The following CDH23 variants were observed in gnomAD, a reference collection of about 807,000 sequenced individuals.
The protein encoded by CDH23 is cadherin-23.
CDH23 carries 189 observed loss-of-function variants against 317.1 expected under a neutral mutation model. The ratio of observed to expected loss-of-function variants is 0.60; its 90% CI spans 0.53 to 0.67. The LOEUF (loss-of-function observed/expected upper bound fraction) is 0.67, where lower values mean the gene tolerates loss of function less well. Among genes scored for constraint, CDH23 ranks in the 30% least tolerant of loss-of-function variants. The pLI is 0.00. For missense variants in CDH23, 4,401 were observed against 4,592.4 expected (o/e 0.96, Z 1.20); for synonymous variants, 1,839 against 1,876.8 (o/e 0.98, Z 0.52).
At chr10:71,777,336 C>A (rs767169658) in intron 38 of CDH23, among the ~76,000 whole-genome samples, 22 of 152,152 alleles carry the variant, frequency 1.4e-4, no homozygotes, top group Non-Finnish European at 2.9e-4. Context: ...CAGGGTTCAT[C>A]CCATATGCCA....
At chr10:71,545,937 G>T (rs574401247) in intron 6 of CDH23, among the ~76,000 whole-genome samples, 1 of 152,126 alleles carries the variant, frequency 6.6e-6, no homozygotes, top group Non-Finnish European at 1.5e-5. Flanking sequence ...GAGGACATCT[G>T]GGGTGGTATA....
intron 19 of CDH23, among the ~76,000 whole-genome samples, chr10:71,689,178 A>AGCCAACGGTGGTG (rs1564734231): frequency 1.3e-4 from 4 of 30,548 alleles, no homozygotes; most frequent in African/African-American, 4.0e-4. Context: ...CAGGGGTGGT[A>AGCCAACGGTGGTG]GAGTCAGGGG....
At chr10:71,801,597 G>A (rs1206841632) in intron 53 of CDH23, among the ~76,000 whole-genome samples, 5 of 152,104 alleles carry the variant, frequency 3.3e-5, no homozygotes, top group African/African-American at 1.2e-4. Context: ...CAGGCCTCAA[G>A]GTTTTGCTTC....
intron 1 of CDH23, among the ~76,000 whole-genome samples, chr10:71,424,718 G>A (rs993982623): frequency 1.3e-5 from 2 of 152,186 alleles, no homozygotes; most frequent in Non-Finnish European, 2.9e-5. Context: ...CCTACTGTCC[G>A]CCAGGCTCTG....
At chr10:71,741,626 G>C in intron 37 of CDH23, 68 bp from the exon 38 acceptor site, 1 of 1,394,662 alleles carries the variant, frequency 7.2e-7, no homozygotes, top group South Asian at 1.3e-5. Flanking sequence ...TCGGGCTACA[G>C]GAGCAGGTGC....
At chr10:71,623,022 T>C (rs1861541985) in intron 11 of CDH23, 10 of 894,372 alleles carry the variant, frequency 1.1e-5, no homozygotes, top group Non-Finnish European at 1.3e-5. Flanking sequence ...ACAAGTGTTA[T>C]GTGCACCAAC....
rs537275967 is a variant in CDH23 at position 71,593,906 on chromosome 10, G to A, written c.832+15914G>A. Among the ~76,000 whole-genome samples, 11 of 152,260 alleles carry A rather than the reference G, an allele frequency of 7.2e-5. No individual in the cohort carries two copies. In the South Asian group the frequency reaches 2.1e-3, roughly 29 times the overall value. On this transcript the variant is annotated intron_variant, in intron 9 of 69. Transcript: ENST00000224721. ...TAAGGCCAAAGAGGTGGATCACTGA[G>A]GCCAGGAGTTTAGACCAGCCTGGGC...
chr10:71,497,498 A>T (rs7069347), intron 3 of CDH23, among the ~76,000 whole-genome samples: 2,591 of 102,168 alleles, frequency 0.025, 60 homozygotes, highest in African/African-American at 0.071. Context: ...CTGCTATTTC[A>T]GGGCAGAAAA....
In CDH23 at chr10:71,521,753, TCTTCA is replaced by T; in HGVS notation, c.429+10545_429+10549del. 2.0e-5 allele frequency among the ~76,000 whole-genome samples: 3 copies of T among 152,322 alleles called. No individual in the cohort carries two copies. In the South Asian group the frequency reaches 6.2e-4, roughly 32 times the overall value. ...GCAGCTGCTGAGGGCCGGCCCCGGC[TCTTCA>T]CTTAGTCCTCTCTCCTCTGGATTTG... On this transcript the variant is annotated intron_variant, in intron 6 of 69. Transcript: ENST00000224721.
At chr10:71,593,227 G>A (rs998894938) in intron 9 of CDH23, among the ~76,000 whole-genome samples, 4 of 152,164 alleles carry the variant, frequency 2.6e-5, no homozygotes, top group Admixed American at 2.0e-4. Flanking sequence ...AATCACCGAG[G>A]AAAGGATGAC....
chr10:71,406,445 C>T (rs1848102618), intron 1 of CDH23, among the ~76,000 whole-genome samples: 1 of 152,194 alleles, frequency 6.6e-6, no homozygotes, highest in Non-Finnish European at 1.5e-5. Flanking sequence ...TGCACTTCTC[C>T]TGTGATATAC....
At chr10:71,782,421 G>A (rs1409107475) in intron 41 of CDH23, among the ~76,000 whole-genome samples, 3 of 152,244 alleles carry the variant, frequency 2.0e-5, no homozygotes, top group Non-Finnish European at 2.9e-5. Flanking sequence ...TTTTTCAGAT[G>A]AGAACATCAA....
intron 3 of CDH23, among the ~76,000 whole-genome samples, chr10:71,476,540 G>C (rs898457275): frequency 6.6e-6 from 1 of 152,196 alleles, no homozygotes; most frequent in African/African-American, 2.4e-5. Flanking sequence ...GACACTTCAA[G>C]TACAAATGGA....
intron 6 of CDH23, among the ~76,000 whole-genome samples, chr10:71,547,469 G>T (rs1175243584): frequency 5.9e-5 from 9 of 152,254 alleles, no homozygotes; most frequent in Non-Finnish European, 1.3e-4. Context: ...GTGTGGAAGG[G>T]CTTCTGTGGT....
intron 38 of CDH23, among the ~76,000 whole-genome samples, chr10:71,775,613 G>A (rs1317250622): frequency 6.6e-6 from 1 of 152,132 alleles, no homozygotes; most frequent in Non-Finnish European, 1.5e-5. Flanking sequence ...GGCCTTTGGA[G>A]CACTGACTTT....
At chr10:71,693,921 A>G (rs1865276775) in intron 20 of CDH23, among the ~76,000 whole-genome samples, 1 of 152,012 alleles carries the variant, frequency 6.6e-6, no homozygotes, top group South Asian at 2.1e-4. Context: ...TCATGGGGTT[A>G]TGTTGCCCAG....
chr10:71,632,788 A>G (rs1033041347), intron 11 of CDH23, among the ~76,000 whole-genome samples: 2 of 151,880 alleles, frequency 1.3e-5, no homozygotes, highest in Non-Finnish European at 2.9e-5. Flanking sequence ...TTTGAATCTG[A>G]TCCTCTCTCC....
intron 1 of CDH23, among the ~76,000 whole-genome samples, chr10:71,424,152 C>T (rs1848941764): frequency 6.6e-6 from 1 of 152,220 alleles, no homozygotes; most frequent in African/African-American, 2.4e-5. Context: ...GTAGGTGCTG[C>T]CTCCGTCAGC....
chr10:71,764,729 T>A (rs928801087), intron 38 of CDH23, among the ~76,000 whole-genome samples: 2 of 152,194 alleles, frequency 1.3e-5, no homozygotes, highest in African/African-American at 4.8e-5. Flanking sequence ...CTTGGTCCTG[T>A]GGACATTTGA....
Sources: gnomAD v4.1 joint callset for allele counts (sites outside exome capture counted in the v4.1 genomes callset) on GRCh38, gnomAD v4.1.1 for gene constraint, MANE v1.5 for transcripts, NCBI Gene and HGNC (gene_info 2026-07-23, HGNC 2026-07-21) for gene names.